DNER: variants seen among roughly 807,000 people sequenced by gnomAD.
The protein encoded by DNER is delta/notch like EGF repeat containing.
Under a neutral mutation model 78.2 loss-of-function variants are expected in DNER, and 33 were observed. The ratio of observed to expected loss-of-function variants is 0.42; its 90% CI spans 0.32 to 0.56. DNER has a LOEUF of 0.56. DNER is among the 20% of genes least tolerant of loss of function. DNER has a pLI of 0.11. For missense variants in DNER, 918 were observed against 975.3 expected (o/e 0.94, Z 0.78); for synonymous variants, 417 against 384.8 (o/e 1.08, Z -0.98).
intron 6 of DNER, among the ~76,000 whole-genome samples, chr2:229,494,703 C>A (rs912731910): frequency 6.6e-6 from 1 of 152,202 alleles, no homozygotes; most frequent in African/African-American, 2.4e-5. Flanking sequence ...TGGGATTATA[C>A]CATCTCTGTA....
chr2:229,584,008 T>A (rs1697450459), intron 4 of DNER, among the ~76,000 whole-genome samples: 2 of 152,156 alleles, frequency 1.3e-5, no homozygotes, highest in Non-Finnish European at 2.9e-5. Flanking sequence ...CAGAAGAGGG[T>A]CAGTCAAACA....
At chr2:229,614,708 G>A (rs1184115176) in intron 1 of DNER, among the ~76,000 whole-genome samples, 1 of 152,198 alleles carries the variant, frequency 6.6e-6, no homozygotes, top group East Asian at 1.9e-4. Context: ...CTCCAGCCCT[G>A]CCTCCTCTGC....
intron 4 of DNER, among the ~76,000 whole-genome samples, chr2:229,572,895 T>G (rs1433587799): frequency 6.6e-6 from 1 of 152,198 alleles, no homozygotes; most frequent in Non-Finnish European, 1.5e-5. Flanking sequence ...TTTATCTGAG[T>G]TACATAATGA....
chr2:229,649,132 C>T (rs904787672), intron 1 of DNER, among the ~76,000 whole-genome samples: 1 of 152,194 alleles, frequency 6.6e-6, no homozygotes, highest in African/African-American at 2.4e-5. Context: ...ACAGCAGCAG[C>T]TTCAAAAGGC....
intron 9 of DNER, among the ~76,000 whole-genome samples, chr2:229,408,135 G>A (rs1216067066): frequency 6.6e-6 from 1 of 151,864 alleles, no homozygotes; most frequent in Non-Finnish European, 1.5e-5. Flanking sequence ...AAAACAGACA[G>A]CTTCTCATTT....
chr2:229,551,617 A>G (rs1003481951), intron 4 of DNER, among the ~76,000 whole-genome samples: 2 of 151,730 alleles, frequency 1.3e-5, no homozygotes, highest in Non-Finnish European at 2.9e-5. Flanking sequence ...CTGGGCAACA[A>G]GAGTGAAACC....
At chr2:229,644,164 G>T (rs563674773) in intron 1 of DNER, among the ~76,000 whole-genome samples, 1 of 151,904 alleles carries the variant, frequency 6.6e-6, no homozygotes, top group South Asian at 2.1e-4. Flanking sequence ...AATTTTTGTG[G>T]GTACCTAGTA....
intron 8 of DNER, among the ~76,000 whole-genome samples, chr2:229,421,760 G>T (rs6719197): frequency 0.01 from 1,593 of 151,806 alleles, 10 homozygotes; most frequent in Non-Finnish European, 0.017. Flanking sequence ...GCTTTTTGAG[G>T]TCATTGTGGA....
At chr2:229,608,438 A>G (rs1697981746) in intron 1 of DNER, among the ~76,000 whole-genome samples, 1 of 152,244 alleles carries the variant, frequency 6.6e-6, no homozygotes. Flanking sequence ...ATGAAAATAT[A>G]GGACAATATC....
chr2:229,389,762 C>T (rs1047801940), intron 10 of DNER, among the ~76,000 whole-genome samples: 1 of 152,186 alleles, frequency 6.6e-6, no homozygotes, highest in Non-Finnish European at 1.5e-5. Context: ...TTTCATCTCA[C>T]ACTGTTTCTA....
intron 7 of DNER, among the ~76,000 whole-genome samples, chr2:229,474,486 G>A (rs1037525135): frequency 1.3e-5 from 2 of 152,074 alleles, no homozygotes; most frequent in African/African-American, 2.4e-5. Context: ...CCAGAGCCTC[G>A]CATTTTCTCT....
intron 10 of DNER, among the ~76,000 whole-genome samples, chr2:229,406,350 T>C (rs954170244): frequency 6.6e-6 from 1 of 152,194 alleles, no homozygotes; most frequent in African/African-American, 2.4e-5. Context: ...TAAGCTTTTG[T>C]TGGTTGAGCA....
Position 229,526,854 on chromosome 2 carries a change from G to T in DNER, c.994-13918C>A, listed in dbSNP as rs750655392. ...AAAATGTCTGTCACAGCGCTGTAGG[G>T]TGTGGAAGTCTTTGAGCCAACACAG... On this transcript the variant is annotated intron_variant, in intron 5 of 12. Transcript: ENST00000341772. 3.3e-5 allele frequency among the ~76,000 whole-genome samples: 5 copies of T among 152,292 alleles called. No individual in the cohort carries two copies. In the South Asian group the frequency reaches 1.0e-3, roughly 32 times the overall value.
chr2:229,625,898 T>TTTG (rs370512119), intron 1 of DNER, among the ~76,000 whole-genome samples: 107 of 9,418 alleles, frequency 0.011, 1 homozygote, highest in African/African-American at 0.017. Context: ...TTTTGTTGTT[T>TTTG]TTGTTGTTGT....
intron 1 of DNER, among the ~76,000 whole-genome samples, chr2:229,595,924 G>A (rs12373570): frequency 0.36 from 55,178 of 151,880 alleles, 10,167 homozygotes; most frequent in East Asian, 0.47. Context: ...CAGGGAGTAT[G>A]TGTGCAGGTT....
chr2:229,643,617 T>C (rs1202001184), intron 1 of DNER, among the ~76,000 whole-genome samples: 2 of 152,210 alleles, frequency 1.3e-5, no homozygotes, highest in Non-Finnish European at 2.9e-5. Flanking sequence ...CTCACTGGTA[T>C]CATGGAGATG....
At chr2:229,358,818 A>G (rs1028812874) in intron 12 of DNER, among the ~76,000 whole-genome samples, 167 bp from the exon 13 acceptor site, 3 of 152,274 alleles carry the variant, frequency 2.0e-5, no homozygotes, top group Non-Finnish European at 4.4e-5. Context: ...CTGAATGTGT[A>G]TAAACATTAG....
chr2:229,514,525 G>C (rs1309896972), intron 5 of DNER, among the ~76,000 whole-genome samples: 1 of 152,132 alleles, frequency 6.6e-6, no homozygotes, highest in Non-Finnish European at 1.5e-5. Flanking sequence ...TTTCATCTGT[G>C]ACCTATTATG....
chr2:229,502,225 C>A (rs1186010153), intron 6 of DNER, among the ~76,000 whole-genome samples: 2 of 152,130 alleles, frequency 1.3e-5, no homozygotes, highest in African/African-American at 4.8e-5. Flanking sequence ...CCCATCAGTG[C>A]CCATCAGAAG....
Sources: allele counts gnomAD v4.1 joint callset (sites outside exome capture counted in the v4.1 genomes callset), GRCh38; gene constraint gnomAD v4.1.1; transcripts MANE v1.5; gene names NCBI Gene and HGNC (gene_info 2026-07-23, HGNC 2026-07-21).